KRABD5: variants seen among roughly 807,000 people sequenced by gnomAD.
KRABD5 encodes KRAB domain containing 5, also known as KRAB domain-containing protein 5.
chr16:31,755,382 A>C, the KRABD5 span: 1 of 502,998 alleles, frequency 2.0e-6, no homozygotes, highest in South Asian at 1.5e-5. Flanking sequence ...GAGAAACCCT[A>C]CATATGTAAA....
chr16:31,716,522 G>A, the KRABD5 span, among the ~76,000 whole-genome samples: 1 of 152,166 alleles, frequency 6.6e-6, no homozygotes, highest in Non-Finnish European at 1.5e-5. Context: ...CTGGAGGCAT[G>A]TGCCCCCCAC....
chr16:31,713,328 A>G, the KRABD5 span: 2 of 1,510,088 alleles, frequency 1.3e-6, no homozygotes, highest in South Asian at 1.2e-5. Context: ...TGGGAGGCCA[A>G]GGCGGCTTCG....
At chr16:31,733,007 T>TTTTTTGTGTTTC in the KRABD5 span, among the ~76,000 whole-genome samples, 1 of 152,138 alleles carries the variant, frequency 6.6e-6, no homozygotes, top group Non-Finnish European at 1.5e-5. Flanking sequence ...TTGTGTTTCT[T>TTTTTTGTGTTTC]TTTTTTCAGA....
chr16:31,724,410 G>A, the KRABD5 span, among the ~76,000 whole-genome samples: 30 of 152,096 alleles, frequency 2.0e-4, no homozygotes, highest in South Asian at 8.3e-4. Context: ...ACTGTGGGCC[G>A]GGCGCGGTGG....
At chr16:31,713,479 G>T in the KRABD5 span, 1 of 1,586,898 alleles carries the variant, frequency 6.3e-7, no homozygotes, top group Non-Finnish European at 8.6e-7. Context: ...GGAGAGGGGC[G>T]GTCGGAAGCG....
At chr16:31,727,156 T>C in the KRABD5 span, among the ~76,000 whole-genome samples, 2 of 152,228 alleles carry the variant, frequency 1.3e-5, no homozygotes, top group Non-Finnish European at 2.9e-5. Flanking sequence ...ACTGAATGAG[T>C]ATTAGCTCTA....
chr16:31,742,760 TA>T, the KRABD5 span, among the ~76,000 whole-genome samples: 1 of 152,226 alleles, frequency 6.6e-6, no homozygotes, highest in African/African-American at 2.4e-5. Flanking sequence ...GTGGCTGAAC[TA>T]ATTTACATTC....
At chr16:31,753,878 A>C in the KRABD5 span, 3 of 1,551,384 alleles carry the variant, frequency 1.9e-6, no homozygotes, top group Admixed American at 5.9e-5. Flanking sequence ...ATTTAAACTT[A>C]AGGAAAGAGT....
the KRABD5 span, among the ~76,000 whole-genome samples, chr16:31,724,641 G>C: frequency 1.3e-5 from 2 of 150,166 alleles, no homozygotes; most frequent in Admixed American, 6.6e-5. Context: ...GCAGTGAGCC[G>C]AGATCGCGCC....
chr16:31,731,403 T>A, the KRABD5 span, among the ~76,000 whole-genome samples: 2 of 152,312 alleles, frequency 1.3e-5, no homozygotes, highest in Middle Eastern at 6.8e-3. Flanking sequence ...GGTTCTAAGA[T>A]AAGGAATTGT....
At chr16:31,714,469 A>G in the KRABD5 span, 1 of 455,128 alleles carries the variant, frequency 2.2e-6, no homozygotes, top group Non-Finnish European at 4.4e-6. Flanking sequence ...AGAGTGGAGG[A>G]AGGTCTGACG....
chr16:31,756,546 T>C, the KRABD5 span: 1 of 152,150 alleles, frequency 6.6e-6, no homozygotes, highest in Non-Finnish European at 1.5e-5. Context: ...ATATCAATTT[T>C]CCAGAGAACT....
At chr16:31,722,767 C>G in the KRABD5 span, 41 of 1,569,034 alleles carry the variant, frequency 2.6e-5, no homozygotes, top group Non-Finnish European at 3.5e-5. Flanking sequence ...GGATAACTTG[C>G]CTTTGGAATA....
the KRABD5 span, chr16:31,755,208 A>T: frequency 8.4e-6 from 4 of 474,120 alleles, no homozygotes; most frequent in Admixed American, 9.2e-5. Flanking sequence ...ACCGGAGAAA[A>T]ACTTTACAAA....
chr16:31,737,064 A>G, the KRABD5 span, among the ~76,000 whole-genome samples: 3 of 152,216 alleles, frequency 2.0e-5, no homozygotes, highest in African/African-American at 7.2e-5. Context: ...TATGTATCTC[A>G]ACACAGTAAA....
At chr16:31,733,051 C>G in the KRABD5 span, among the ~76,000 whole-genome samples, 1 of 151,336 alleles carries the variant, frequency 6.6e-6, no homozygotes, top group South Asian at 2.1e-4. Context: ...TGTATTTTTG[C>G]TTTTCAACCT....
chr16:31,732,111 AT>A, the KRABD5 span, among the ~76,000 whole-genome samples: 2 of 152,132 alleles, frequency 1.3e-5, no homozygotes, highest in Non-Finnish European at 1.5e-5. Flanking sequence ...AGATATAGCA[AT>A]TTTTTTGTTT....
chr16:31,725,558 T>A, the KRABD5 span, among the ~76,000 whole-genome samples: 1 of 152,232 alleles, frequency 6.6e-6, no homozygotes. Flanking sequence ...GCATACAACG[T>A]TTCCTTTTCT....
the KRABD5 span, chr16:31,713,515 T>C: frequency 0.78 from 1,201,615 of 1,538,744 alleles, 473,148 homozygotes; most frequent in African/African-American, 0.94. Context: ...GAGGTTAGCT[T>C]CGGGGTCTGG....
Sources: allele counts gnomAD v4.1 joint callset (sites outside exome capture counted in the v4.1 genomes callset), GRCh38; gene constraint gnomAD v4.1.1; transcripts MANE v1.5; gene names NCBI Gene and HGNC (gene_info 2026-07-23, HGNC 2026-07-21).